Variants in TRIM5 observed in about 807,000 individuals in gnomAD.
TRIM5 encodes the protein tripartite motif-containing protein 5.
A neutral mutation model predicts 35.6 loss-of-function variants in TRIM5; 31 were observed. The ratio of observed to expected loss-of-function variants is 0.87; its 90% confidence interval spans 0.65 to 1.18. The LOEUF (loss-of-function observed/expected upper bound fraction) is 1.18. Among genes scored for constraint, TRIM5 ranks in the 50% most tolerant of loss-of-function variants. TRIM5 has a pLI of 0.00. For synonymous variants in TRIM5, 243 were observed against 215.6 expected (o/e 1.13, Z -1.11); for missense variants, 609 against 591.6 (o/e 1.03, Z -0.31).
intron 4 of TRIM5, among the ~76,000 whole-genome samples, chr11:5,670,238 T>C (rs976228643): frequency 8.6e-5 from 11 of 127,806 alleles, no homozygotes; most frequent in Non-Finnish European, 1.3e-4. Context: ...AGTGCAGTGG[T>C]GCGATCTCAG....
At chr11:5,610,373 G>C in the TRIM5 span, 1 of 1,563,394 alleles carries the variant, frequency 6.4e-7, no homozygotes, top group Non-Finnish European at 8.7e-7. Context: ...GAGGGACATA[G>C]TGTGCTGAAG....
At chr11:5,636,942 C>T in the TRIM5 span, among the ~76,000 whole-genome samples, 2 of 152,162 alleles carry the variant, frequency 1.3e-5, no homozygotes, top group South Asian at 2.1e-4. Flanking sequence ...GTCAGGAGAT[C>T]GAGATCATCC....
the TRIM5 span, chr11:5,645,880 A>T: frequency 0.32 from 43,447 of 136,722 alleles, 8,432 homozygotes; most frequent in Non-Finnish European, 0.41. Flanking sequence ...AAAAAAAAAA[A>T]ATATATATAT....
At chr11:5,632,356 G>A in the TRIM5 span, 26 of 1,614,056 alleles carry the variant, frequency 1.6e-5, no homozygotes, top group African/African-American at 5.3e-5. Flanking sequence ...CTTGCTTAAC[G>A]TACAAGAGGA....
At chr11:5,603,498 C>A in the TRIM5 span, 1 of 1,614,106 alleles carries the variant, frequency 6.2e-7, no homozygotes, top group Non-Finnish European at 8.5e-7. Context: ...GCCAGACCAG[C>A]TACCAGCCAG....
chr11:5,619,688 A>ATTTTTTTTTTTTTTTTTT, the TRIM5 span: 1 of 66,010 alleles, frequency 1.5e-5, no homozygotes, highest in African/African-American at 6.0e-5. Context: ...CCTGTTTTAA[A>ATTTTTTTTTTTTTTTTTT]TTTTTTTTTT....
At chr11:5,667,364 G>GC (rs889426124) in intron 5 of TRIM5, among the ~76,000 whole-genome samples, 2 of 151,962 alleles carry the variant, frequency 1.3e-5, no homozygotes, top group Admixed American at 1.3e-4. Flanking sequence ...GGGCCACCAC[G>GC]CCCCCCTAAT....
At chr11:5,665,558 A>G in intron 7 of TRIM5, 98 bp downstream of exon 7, 1 of 1,578,640 alleles carries the variant, frequency 6.3e-7, no homozygotes, top group Non-Finnish European at 8.5e-7. Flanking sequence ...CATAAATCTT[A>G]AAACATGAGC....
the TRIM5 span, chr11:5,588,915 C>G: frequency 2.0e-5 from 3 of 152,176 alleles, 1 homozygote; most frequent in East Asian, 5.8e-4. Context: ...TCCTATGTAG[C>G]TGGGATTACA....
At chr11:5,653,396 T>G in the TRIM5 span, among the ~76,000 whole-genome samples, 1 of 152,192 alleles carries the variant, frequency 6.6e-6, no homozygotes, top group African/African-American at 2.4e-5. Context: ...TTTCATCAAT[T>G]ATTTCATTAA....
At chr11:5,680,307 C>A in intron 1 of TRIM5, 69 bp from the exon 2 acceptor site, 1 of 926,632 alleles carries the variant, frequency 1.1e-6, no homozygotes, top group Non-Finnish European at 1.5e-6. Flanking sequence ...ATTGATTGTG[C>A]ACAATTAGAA....
the TRIM5 span, among the ~76,000 whole-genome samples, chr11:5,606,493 CCTT>C: frequency 1.3e-5 from 2 of 151,672 alleles, no homozygotes; most frequent in African/African-American, 4.8e-5. Flanking sequence ...TCCTCTTGCT[CCTT>C]CTTTCTTGGT....
At chr11:5,643,586 T>A in the TRIM5 span, 2 of 1,614,150 alleles carry the variant, frequency 1.2e-6, no homozygotes, top group Non-Finnish European at 1.7e-6. Flanking sequence ...CATTTTTCAA[T>A]GTCACAAGCC....
the TRIM5 span, chr11:5,603,737 T>TG: frequency 6.2e-7 from 1 of 1,612,998 alleles, no homozygotes; most frequent in Non-Finnish European, 8.5e-7. Context: ...GAGTACCAGG[T>TG]GAGACCCCAG....
chr11:5,653,314 G>A, the TRIM5 span, among the ~76,000 whole-genome samples: 1 of 151,912 alleles, frequency 6.6e-6, no homozygotes, highest in Non-Finnish European at 1.5e-5. Context: ...AGACTTTTTG[G>A]GTTGAACATA....
Position 5,679,811 on chromosome 11 carries a change from G to A in TRIM5, c.367C>T (p.His123Tyr). 1 of 1,612,150 alleles carries A rather than the reference G, an allele frequency of 6.2e-7. No homozygotes were observed. Among genetic ancestry groups the A allele is most frequent in the Non-Finnish European group, 8.5e-7 (1 of 1,179,120 alleles). The stretch of plus-strand genomic sequence containing the variant: ...GTGAGGAACGTGTGGTGACCACGGT[G>A]CTCCTGAGACCGCTCACAAAGCCAG... ...ICWLCERSQEHRGHHTFLTEE... is the reference protein window; with the variant it reads ...ICWLCERSQEYRGHHTFLTEE... Residue 123 changes from histidine (H) to tyrosine (Y), a missense_variant, in exon 2 of 8, where the codon CAC (histidine) becomes TAC (tyrosine). Physicochemically the swap from His to Tyr is moderately conservative, Grantham distance 83. Coordinates refer to ENST00000380034, the MANE Select transcript of TRIM5 (RefSeq NM_033034.3).
the TRIM5 span, among the ~76,000 whole-genome samples, chr11:5,649,317 T>C: frequency 1.3e-5 from 2 of 152,330 alleles, no homozygotes. Context: ...CCTCGAGTGA[T>C]AGCGATTTCT....
intron 5 of TRIM5, 84 bp from the exon 6 acceptor site, chr11:5,666,165 C>T: frequency 1.7e-6 from 2 of 1,164,776 alleles, no homozygotes; most frequent in South Asian, 1.4e-5. Context: ...TCATTTCAAC[C>T]CATTGAGGCA....
At chr11:5,615,527 A>T in the TRIM5 span, among the ~76,000 whole-genome samples, 2 of 150,798 alleles carry the variant, frequency 1.3e-5, no homozygotes, top group Admixed American at 1.3e-4. Flanking sequence ...TTTTCTCCAA[A>T]TTCTACTTTG....
Sources: allele counts gnomAD v4.1 joint callset (sites outside exome capture counted in the v4.1 genomes callset), GRCh38; gene constraint gnomAD v4.1.1; transcripts MANE v1.5; gene names NCBI Gene and HGNC (gene_info 2026-07-23, HGNC 2026-07-21).